Variants in VPS29 observed in about 807,000 individuals in gnomAD.
VPS29 encodes the protein VPS29 retromer complex component.
Under a neutral mutation model 20.0 loss-of-function variants are expected in VPS29, and 2 were observed. The observed-to-expected ratio is 0.10, with a 90% CI of 0.04 to 0.31. The LOEUF (loss-of-function observed/expected upper bound fraction) is 0.31. Among genes scored for constraint, VPS29 ranks in the 10% least tolerant of loss-of-function variants. The pLI is 1.00. For synonymous variants in VPS29, 81 were observed against 79.3 expected, an observed-to-expected ratio of 1.02 and a Z score of -0.12; for missense variants, 120 against 215.3, an observed-to-expected ratio of 0.56 and a Z score of 2.77.
rs759823401 is a variant in VPS29, at chr12:110,501,955, T to TA, written c.3+93_3+94insT. On this transcript the variant is annotated intron_variant, in intron 1 of 3. Coordinates refer to ENST00000549578, the MANE Select transcript of VPS29 (RefSeq NM_016226.5). Reference sequence around the variant, plus strand: ...CCCTGACGCCGAGGCCTCCGGGATTTCCCAATTCCTCGCCCTCGGCCTCCC... The same window carrying TA: ...CCCTGACGCCGAGGCCTCCGGGATTTACCCAATTCCTCGCCCTCGGCCTCCC... 6.2e-6 allele frequency: 10 copies of TA among 1,610,210 alleles called. No individual in the cohort carries two copies. In the South Asian group the frequency reaches 9.9e-5, roughly 16 times the overall value.
At position 110,496,027 on chromosome 12, in the gene VPS29, T is replaced by C; in HGVS notation, c.180A>G (p.Arg60=). 6.3e-7 allele frequency: 1 copy of C among 1,576,572 alleles called. No homozygotes were observed. Among genetic ancestry groups the C allele is most frequent in the South Asian group, 1.1e-5 (1 of 87,398 alleles). Residue 60 remains arginine (R), a synonymous_variant, in exon 2 of 4, where the codon AGA becomes AGG. Coordinates refer to ENST00000549578, the MANE Select transcript of VPS29 (RefSeq NM_016226.5). ...KTLAGDVHIV[R]GDFDENLNYP... ...AATACATCACCTCATCGAAGTCTCC[T>C]CTCACAATATGAACATCACCAGCCA... is the stretch of plus-strand genomic sequence containing the variant.
At chr12:110,492,834 G>C in intron 3 of VPS29, 162 bp downstream of exon 3, 2 of 630,892 alleles carry the variant, frequency 3.2e-6, no homozygotes, top group South Asian at 2.0e-5. Context: ...ATATTGTCTA[G>C]GCTGGTCTCA....
chr12:110,496,856 C>T (rs1465789946), intron 1 of VPS29: 1 of 152,160 alleles, frequency 6.6e-6, no homozygotes, highest in Non-Finnish European at 1.5e-5. Context: ...CAGAGATATA[C>T]AACAGCCTTC....
At chr12:110,501,071 C>G (rs1349728048) in intron 1 of VPS29, among the ~76,000 whole-genome samples, 1 of 152,028 alleles carries the variant, frequency 6.6e-6, no homozygotes, top group Non-Finnish European at 1.5e-5. Flanking sequence ...ATCCCAGCTA[C>G]TCGGGAGGCT....
intron 1 of VPS29, among the ~76,000 whole-genome samples, chr12:110,500,788 T>C (rs545147643): frequency 4.3e-4 from 65 of 152,030 alleles, no homozygotes; most frequent in Admixed American, 3.8e-3. Context: ...CAAGATTTAT[T>C]GTGAAGAGCG....
chr12:110,492,101 C>G lies in VPS29; in HGVS notation c.453G>C (p.Val151=). ...CTGTAGAAGCCTGGATATCCATCAA[C>G]ACAAATGATGGAATAATGTTTCTAG... The part of the protein sequence containing the change: ...ALETNIIPSF[V]LMDIQASTVV... Residue 151 remains valine (V), a synonymous_variant, in exon 4 of 4, where the codon GTG becomes GTC. Transcript: ENST00000549578. 1 of 1,611,046 alleles carries G rather than the reference C, an allele frequency of 6.2e-7. No individual in the cohort carries two copies. The highest frequency in any genetic ancestry group is 8.5e-7 in the Non-Finnish European group (1 of 1,177,892).
intron 2 of VPS29, among the ~76,000 whole-genome samples, chr12:110,494,867 C>A (rs527534141): frequency 6.6e-6 from 1 of 152,144 alleles, no homozygotes; most frequent in South Asian, 2.1e-4. Flanking sequence ...CGACAGGCGC[C>A]CAGCACCACA....
chr12:110,491,738 G>C lies in VPS29; in HGVS notation c.*267C>G. The C allele has an allele frequency of 3.2e-6, 1 of 311,018 alleles. No individual in the cohort carries two copies. Among genetic ancestry groups the C allele is most frequent in the Non-Finnish European group, 5.9e-6 (1 of 170,060 alleles). The allele number at this position is 311,018 out of a possible 1,614,324, so 19.3% of individuals were successfully genotyped here. ...TAAAGTTCCAAATATCAACTTTGAA[G>C]ATACTTACAAGGATAAATTTTTCTT... is the stretch of plus-strand genomic sequence containing the variant. On this transcript the variant is annotated 3_prime_UTR_variant, in exon 4 of 4. Coordinates refer to ENST00000549578, the MANE Select transcript of VPS29 (RefSeq NM_016226.5).
Position 110,498,760 on chromosome 12 carries a change from C to T in VPS29, c.4-2557G>A, listed in dbSNP as rs957293870. On this transcript the variant is annotated intron_variant, in intron 1 of 3. Transcript: ENST00000549578. ...ATGCAGATCTCAGTGGACAAAACAT[C>T]TGTAAAACTAAAAACCACTATGAAG... is the stretch of plus-strand genomic sequence containing the variant. The T allele has an allele frequency of 3.5e-6, 3 of 846,210 alleles. No homozygotes were observed. The East Asian group carries it at 3.7e-4, about 104-fold the overall frequency. 52.4% of individuals were successfully genotyped at this position (846,210 alleles called of 1,614,324 possible).
chr12:110,499,507 T>C (rs763242366), intron 1 of VPS29: 1 of 1,612,114 alleles, frequency 6.2e-7, no homozygotes, highest in African/African-American at 1.3e-5. Context: ...ACCACCACTG[T>C]TAGTAGGAGC....
intron 2 of VPS29, among the ~76,000 whole-genome samples, chr12:110,494,374 TC>T (rs1224976692): frequency 3.3e-5 from 5 of 150,990 alleles, no homozygotes; most frequent in Admixed American, 6.6e-5. Flanking sequence ...TGCCTCAGCT[TC>T]CCGAGTAGCT....
intron 2 of VPS29, 43 bp downstream of exon 2, chr12:110,495,969 C>T (rs1365831301): frequency 6.9e-7 from 1 of 1,441,442 alleles, no homozygotes; most frequent in South Asian, 1.6e-5. Context: ...AAGTAATAAT[C>T]AAGAAAGGGA....
rs889297659 is a variant in VPS29 at position 110,502,032 on chromosome 12, G to A, written c.3+17C>T. On this transcript the variant is annotated intron_variant, in intron 1 of 3. Transcript: ENST00000549578. ...ACCCGAGAGCCAGGCCTTGGTCGCC[G>A]CAACTGCAGCCCTCACCATCCTGTC... is the stretch of plus-strand genomic sequence containing the variant. The A allele has an allele frequency of 4.3e-6, 7 of 1,612,714 alleles. No homozygotes were observed. Among genetic ancestry groups the A allele is most frequent in the African/African-American group, 1.3e-5 (1 of 74,906 alleles).
intron 1 of VPS29, chr12:110,499,576 CAG>C (rs776131752): frequency 5.2e-6 from 8 of 1,540,782 alleles, no homozygotes; most frequent in African/African-American, 2.9e-5. Flanking sequence ...TGATTGCAGA[CAG>C]GGGGGATGAA....
chr12:110,497,495 G>A (rs1337433929), intron 1 of VPS29, among the ~76,000 whole-genome samples: 1 of 151,730 alleles, frequency 6.6e-6, no homozygotes, highest in Admixed American at 6.6e-5. Context: ...AGGATTACAG[G>A]CATGAGTCAC....
At chr12:110,492,496 G>T (rs2062831678) in intron 3 of VPS29, among the ~76,000 whole-genome samples, 1 of 151,768 alleles carries the variant, frequency 6.6e-6, no homozygotes, top group Non-Finnish European at 1.5e-5. Flanking sequence ...CTTGAACCCG[G>T]GAGACAGAGG....
Position 110,501,578 on chromosome 12 carries a change from C to A in VPS29, c.3+471G>T, listed in dbSNP as rs556137070. ...CCTTTCCCTAGATGGCAAAGTTAAACGGGTACGAAATTCTGCTCGCTACTT... is the reference window on the plus strand; with the variant it reads ...CCTTTCCCTAGATGGCAAAGTTAAAAGGGTACGAAATTCTGCTCGCTACTT... On this transcript the variant is annotated intron_variant, in intron 1 of 3. Transcript: ENST00000549578. 102 of 1,535,246 alleles carry A rather than the reference C, an allele frequency of 6.6e-5. No homozygotes were observed. In the African/African-American group the frequency reaches 1.2e-3, roughly 18 times the overall value.
At position 110,495,895 on chromosome 12, in the gene VPS29, A is replaced by T; in HGVS notation, c.195+117T>A. Reference sequence around the variant, plus strand: ...TATAGTAATTTTACATTTGGAAAAGAAAAAGGGAAAAAAAAAAAAACCTTA... The same window carrying T: ...TATAGTAATTTTACATTTGGAAAAGTAAAAGGGAAAAAAAAAAAAACCTTA... On this transcript the variant is annotated intron_variant, in intron 2 of 3. Transcript: ENST00000549578. 3 of 965,224 alleles carry T rather than the reference A, an allele frequency of 3.1e-6. No individual in the cohort carries two copies. The East Asian group carries it at 7.9e-5, about 26-fold the overall frequency. The allele number at this position is 965,224 out of a possible 1,614,324, so 59.8% of individuals were successfully genotyped here.
intron 1 of VPS29, 90 bp from the exon 2 acceptor site, chr12:110,496,293 A>T: frequency 2.5e-6 from 3 of 1,180,554 alleles, no homozygotes; most frequent in Non-Finnish European, 3.5e-6. Flanking sequence ...TTTAAGTCTC[A>T]TAAGAGATCC....
Sources: allele counts gnomAD v4.1 joint callset (sites outside exome capture counted in the v4.1 genomes callset), GRCh38; gene constraint gnomAD v4.1.1; transcripts MANE v1.5; gene names NCBI Gene and HGNC (gene_info 2026-07-23, HGNC 2026-07-21).